The following CCSER1 variants were observed in gnomAD, a reference collection of about 807,000 sequenced individuals.
CCSER1 encodes the protein coiled-coil serine rich protein 1, also known as serine-rich coiled-coil domain-containing protein 1.
Under a neutral mutation model 82.0 loss-of-function variants are expected in CCSER1, and 41 were observed. The observed-to-expected ratio is 0.50, with a 90% CI of 0.39 to 0.65. The LOEUF is 0.65. Ranked by LOEUF, CCSER1 falls within the 30% of genes least tolerant of loss-of-function variation. The pLI is 0.00. For synonymous variants in CCSER1, 414 were observed against 383.9 expected, an observed-to-expected ratio of 1.08 and a Z score of -0.92; for missense variants, 1,119 against 1,064.2, an observed-to-expected ratio of 1.05 and a Z score of -0.72.
At chr4:91,432,417 G>A (rs1439965746) in intron 10 of CCSER1, among the ~76,000 whole-genome samples, 1 of 152,084 alleles carries the variant, frequency 6.6e-6, no homozygotes, top group East Asian at 1.9e-4. Context: ...ATTCCATGAA[G>A]AGGATTTGCA....
chr4:90,575,467 G>T (rs1780630183), intron 5 of CCSER1, among the ~76,000 whole-genome samples: 1 of 152,134 alleles, frequency 6.6e-6, no homozygotes, highest in African/African-American at 2.4e-5. Context: ...CTTCTTAAAG[G>T]TCCCACTTCT....
chr4:90,250,691 G>T (rs1424214304), intron 1 of CCSER1, among the ~76,000 whole-genome samples: 1 of 151,956 alleles, frequency 6.6e-6, no homozygotes, highest in East Asian at 1.9e-4. Flanking sequence ...TTTGGCTATT[G>T]TGGCTTCATT....
At chr4:90,641,512 A>G (rs553208778) in intron 6 of CCSER1, among the ~76,000 whole-genome samples, 2 of 152,132 alleles carry the variant, frequency 1.3e-5, no homozygotes, top group Non-Finnish European at 2.9e-5. Flanking sequence ...ATCTTATATT[A>G]AAAAACTCAC....
chr4:91,003,237 G>C (rs1738200117), intron 9 of CCSER1, among the ~76,000 whole-genome samples: 1 of 152,132 alleles, frequency 6.6e-6, no homozygotes, highest in Non-Finnish European at 1.5e-5. Flanking sequence ...CCTGCCAGGA[G>C]CTGTAGTAGT....
chr4:91,163,657 G>A (rs552598910), intron 10 of CCSER1, among the ~76,000 whole-genome samples: 239 of 152,260 alleles, frequency 1.6e-3, no homozygotes, highest in African/African-American at 5.1e-3. Flanking sequence ...AGCTCTTCTC[G>A]TTGAATTGAT....
intron 5 of CCSER1, among the ~76,000 whole-genome samples, chr4:90,586,088 C>T (rs150562976): frequency 6.6e-6 from 1 of 152,256 alleles, no homozygotes; most frequent in East Asian, 1.9e-4. Context: ...AGGAACCGGG[C>T]TGCACAGCAG....
intron 9 of CCSER1, among the ~76,000 whole-genome samples, chr4:90,962,096 A>T (rs1340897292): frequency 6.6e-6 from 1 of 152,094 alleles, no homozygotes; most frequent in Non-Finnish European, 1.5e-5. Flanking sequence ...TTTGAGAAGA[A>T]CTGAGATTTA....
chr4:90,441,474 G>T (rs947493870), intron 4 of CCSER1, among the ~76,000 whole-genome samples: 2 of 151,988 alleles, frequency 1.3e-5, no homozygotes, highest in South Asian at 4.1e-4. Flanking sequence ...TCTCTCTGGG[G>T]TCTTTTTTTT....
intron 1 of CCSER1, among the ~76,000 whole-genome samples, chr4:90,304,747 A>G (rs1316241610): frequency 6.6e-6 from 1 of 152,136 alleles, no homozygotes; most frequent in Non-Finnish European, 1.5e-5. Context: ...ATGTATACAT[A>G]TGTAACTAAC....
chr4:91,211,543 A>G (rs924380301), intron 10 of CCSER1, among the ~76,000 whole-genome samples: 3 of 152,096 alleles, frequency 2.0e-5, no homozygotes, highest in Non-Finnish European at 2.9e-5. Context: ...TTATAGGACT[A>G]TGTCTTTTAT....
intron 7 of CCSER1, among the ~76,000 whole-genome samples, chr4:90,761,334 A>T (rs893029394): frequency 6.6e-6 from 1 of 152,162 alleles, no homozygotes; most frequent in Non-Finnish European, 1.5e-5. Context: ...ATCTGATCAC[A>T]CTGCTTGGAA....
intron 5 of CCSER1, among the ~76,000 whole-genome samples, chr4:90,582,529 C>G (rs1781519967): frequency 6.6e-6 from 1 of 151,954 alleles, no homozygotes; most frequent in Admixed American, 6.6e-5. Context: ...CTTTATAAAC[C>G]CTTAAATGCT....
chr4:90,640,487 T>G (rs62314386), intron 6 of CCSER1, among the ~76,000 whole-genome samples: 1 of 152,168 alleles, frequency 6.6e-6, no homozygotes, highest in Non-Finnish European at 1.5e-5. Context: ...AAGTATTATT[T>G]ATATTACTTA....
At chr4:91,240,311 C>G in intron 10 of CCSER1, among the ~76,000 whole-genome samples, 1 of 64,200 alleles carries the variant, frequency 1.6e-5, no homozygotes, top group South Asian at 5.8e-4. Flanking sequence ...CTTCTGACCA[C>G]GTGATCCCCC....
At chr4:90,474,448 C>A (rs779239899) in intron 5 of CCSER1, among the ~76,000 whole-genome samples, 21 of 152,294 alleles carry the variant, frequency 1.4e-4, no homozygotes, top group Admixed American at 6.5e-4. Context: ...TGAAAACTTT[C>A]TCTTTGTTTG....
chr4:90,403,583 CATTAAACATTCAAAA>C lies in CCSER1; in HGVS notation c.1603+3457_1603+3471del, dbSNP rs555711879. On this transcript the variant is annotated intron_variant, in intron 4 of 10. Coordinates refer to ENST00000509176, the MANE Select transcript of CCSER1 (RefSeq NM_001145065.2). ...TAATTGATATTGATAAAAATCACAG[CATTAAACATTCAAAA>C]ATGATGTTTTTAATAAAAGAACAGC... Among the ~76,000 whole-genome samples, 110 of 150,312 alleles carry C rather than the reference CATTAAACATTCAAAA, an allele frequency of 7.3e-4. No homozygotes were observed. The East Asian group carries it at 0.019, about 26-fold the overall frequency.
intron 5 of CCSER1, chr4:90,468,604 T>C (rs1763942582): frequency 3.3e-6 from 1 of 299,220 alleles, no homozygotes; most frequent in African/African-American, 2.2e-5. Flanking sequence ...GCAAGTAGGC[T>C]GATGTACTTT....
intron 4 of CCSER1, among the ~76,000 whole-genome samples, chr4:90,414,526 TGA>T (rs1323617661): frequency 6.6e-6 from 1 of 152,110 alleles, no homozygotes; most frequent in Non-Finnish European, 1.5e-5. Context: ...TTAGAAAATA[TGA>T]GATGCTAGCA....
At chr4:91,118,266 C>A (rs1365412132) in intron 10 of CCSER1, among the ~76,000 whole-genome samples, 1 of 146,664 alleles carries the variant, frequency 6.8e-6, no homozygotes, top group Non-Finnish European at 1.5e-5. Context: ...GAAGAAGTAA[C>A]AACTGTAGTT....
Sources: gnomAD v4.1 joint callset for allele counts (sites outside exome capture counted in the v4.1 genomes callset) on GRCh38, gnomAD v4.1.1 for gene constraint, MANE v1.5 for transcripts, NCBI Gene and HGNC (gene_info 2026-07-23, HGNC 2026-07-21) for gene names.